The following DMD variants were observed in gnomAD, a reference collection of about 807,000 sequenced individuals.
DMD encodes the protein dystrophin.
DMD carries 63 observed loss-of-function variants against 330.1 expected under a neutral mutation model. The ratio of observed to expected loss-of-function variants is 0.19; its 90% CI spans 0.16 to 0.24. The LOEUF (loss-of-function observed/expected upper bound fraction) is 0.24. DMD is among the 10% of genes least tolerant of loss of function. The pLI, the probability that DMD is intolerant of heterozygous loss-of-function variation, is 1.00. For missense variants in DMD, 3,344 were observed against 2,684.1 expected, an observed-to-expected ratio of 1.25 and a Z score of -5.43; for synonymous variants, 1,223 against 959.8, an observed-to-expected ratio of 1.27 and a Z score of -5.07.
intron 44 of DMD, among the ~76,000 whole-genome samples, chrX:32,092,015 T>C (rs1221545343): frequency 1.8e-5 from 2 of 111,919 alleles, no homozygotes; most frequent in African/African-American, 6.5e-5. Flanking sequence ...GAAAACATGA[T>C]TCATTATTTC....
chrX:32,618,517 G>C (rs1164274184), intron 11 of DMD, among the ~76,000 whole-genome samples: 1 of 111,036 alleles, frequency 9.0e-6, no homozygotes, highest in African/African-American at 3.3e-5. Flanking sequence ...TTGGAGTTTG[G>C]AGGGTGGCAG....
rs751793632 is a variant in DMD at position 32,821,456 on chromosome X, G to C, written c.357+1839C>G. On this transcript the variant is annotated intron_variant, in intron 5 of 78. Transcript: ENST00000357033. ...AAAAAAATTAGCCGGGCGTGGTGGGGGGGCGCCTGTAGTCCCAGCTACTCG... is the reference window on the plus strand; with the variant it reads ...AAAAAAATTAGCCGGGCGTGGTGGGCGGGCGCCTGTAGTCCCAGCTACTCG... Among the ~76,000 whole-genome samples, 1,026 of 109,165 alleles carry C rather than the reference G, an allele frequency of 9.4e-3. 10 individuals are homozygous for C. Among genetic ancestry groups the C allele is most frequent in the Admixed American group, 0.038 (390 of 10,194 alleles). 94.8% of individuals were successfully genotyped at this position (109,165 alleles called of 115,157 possible). A position where few individuals can be genotyped will look rare whatever the true frequency, so the allele number is the denominator to read the frequency against.
intron 54 of DMD, among the ~76,000 whole-genome samples, chrX:31,640,295 T>G (rs183356138): frequency 8.9e-6 from 1 of 112,525 alleles, no homozygotes; most frequent in Non-Finnish European, 1.9e-5. Flanking sequence ...ACGTTTACAT[T>G]TACAATTTTG....
chrX:32,005,350 G>A (rs2095654303), intron 44 of DMD, among the ~76,000 whole-genome samples: 1 of 110,827 alleles, frequency 9.0e-6, no homozygotes, highest in Non-Finnish European at 1.9e-5. Context: ...TTTCCCCCTT[G>A]AGCCCACTGA....
At chrX:32,826,807 T>C (rs2078727248) in intron 4 of DMD, among the ~76,000 whole-genome samples, 1 of 110,729 alleles carries the variant, frequency 9.0e-6, no homozygotes, top group Non-Finnish European at 1.9e-5. Flanking sequence ...AATAACAATA[T>C]TGTATTTTGA....
intron 2 of DMD, among the ~76,000 whole-genome samples, chrX:32,976,340 C>T (rs1420894959): frequency 9.0e-6 from 1 of 111,441 alleles, no homozygotes; most frequent in East Asian, 2.8e-4. Flanking sequence ...TGGAAAGGTG[C>T]TCTAAGGACG....
chrX:31,802,446 T>C (rs1222026161), intron 50 of DMD, among the ~76,000 whole-genome samples: 4 of 111,587 alleles, frequency 3.6e-5, no homozygotes, highest in Admixed American at 9.5e-5. Flanking sequence ...CATCCTAATA[T>C]AAGACTACTG....
intron 55 of DMD, among the ~76,000 whole-genome samples, chrX:31,627,453 C>A (rs951541939): frequency 8.9e-6 from 1 of 112,292 alleles, no homozygotes; most frequent in African/African-American, 3.2e-5. Context: ...TTTTCCTGGT[C>A]AGAGCATGTA....
At chrX:32,581,137 T>G (rs185048170) in intron 13 of DMD, among the ~76,000 whole-genome samples, 1 of 112,513 alleles carries the variant, frequency 8.9e-6, no homozygotes, top group Non-Finnish European at 1.9e-5. Flanking sequence ...CCAAAAGGTA[T>G]CTTATTTGAA....
intron 1 of DMD, chrX:33,128,258 T>C (rs1289502371): frequency 1.8e-6 from 2 of 1,133,149 alleles, no homozygotes; most frequent in Non-Finnish European, 1.2e-6. Context: ...TTCTATGGGG[T>C]ATGGTAAACC....
intron 62 of DMD, among the ~76,000 whole-genome samples, chrX:31,307,783 A>G (rs1052155290): frequency 2.7e-5 from 3 of 111,876 alleles, no homozygotes; most frequent in Non-Finnish European, 3.8e-5. Context: ...CCTACTGGAT[A>G]CCACTGCAGC....
chrX:32,417,822 T>TACAC (rs397933423), intron 29 of DMD, among the ~76,000 whole-genome samples: 14,508 of 105,212 alleles, frequency 0.14, 878 homozygotes, highest in African/African-American at 0.2. Flanking sequence ...GTATCTCTGT[T>TACAC]ACACACACAC....
intron 43 of DMD, among the ~76,000 whole-genome samples, chrX:32,262,888 C>T (rs2097329038): frequency 9.0e-6 from 1 of 111,620 alleles, no homozygotes; most frequent in Non-Finnish European, 1.9e-5. Flanking sequence ...AATGGTCATC[C>T]CAACCCCACA....
At chrX:32,698,908 A>G (rs1267045852) in intron 8 of DMD, among the ~76,000 whole-genome samples, 1 of 110,964 alleles carries the variant, frequency 9.0e-6, no homozygotes, top group Non-Finnish European at 1.9e-5. Flanking sequence ...TATTTTTAAA[A>G]TATGTTTTGA....
intron 44 of DMD, among the ~76,000 whole-genome samples, chrX:32,076,685 A>T (rs2096354843): frequency 9.0e-6 from 1 of 111,542 alleles, no homozygotes; most frequent in Admixed American, 9.5e-5. Flanking sequence ...GGCCCATAAG[A>T]TTTCTTTAAT....
intron 16 of DMD, among the ~76,000 whole-genome samples, chrX:32,547,526 A>G (rs1316503193): frequency 9.0e-6 from 1 of 111,090 alleles, no homozygotes; most frequent in Non-Finnish European, 1.9e-5. Context: ...AAATAAGAAA[A>G]CTGTGCATTC....
intron 59 of DMD, among the ~76,000 whole-genome samples, chrX:31,451,732 G>A (rs1321994364): frequency 1.8e-5 from 2 of 110,564 alleles, no homozygotes; most frequent in African/African-American, 6.6e-5. Context: ...AAGACAAAGG[G>A]GATACTTTGC....
At chrX:31,889,916 T>TTTTGTTTGCTCA (rs2094217434) in intron 47 of DMD, among the ~76,000 whole-genome samples, 1 of 110,449 alleles carries the variant, frequency 9.1e-6, no homozygotes, top group South Asian at 3.8e-4. Flanking sequence ...ATTTTTAATA[T>TTTTGTTTGCTCA]TTTTGTTTGC....
intron 43 of DMD, among the ~76,000 whole-genome samples, chrX:32,242,255 A>C (rs2097211366): frequency 9.0e-6 from 1 of 111,296 alleles, no homozygotes; most frequent in South Asian, 3.7e-4. Flanking sequence ...AGTAACAAAA[A>C]TAGAAGTTCA....
Sources: allele counts gnomAD v4.1 joint callset (sites outside exome capture counted in the v4.1 genomes callset), GRCh38; gene constraint gnomAD v4.1.1; transcripts MANE v1.5; gene names NCBI Gene and HGNC (gene_info 2026-07-23, HGNC 2026-07-21).